Variants in SGCZ observed in about 807,000 individuals in gnomAD.
The protein encoded by SGCZ is zeta-sarcoglycan.
A neutral mutation model predicts 41.3 loss-of-function variants in SGCZ; 40 were observed. The observed-to-expected ratio is 0.97, with a 90% CI of 0.75 to 1.26. SGCZ has a LOEUF of 1.26. Ranked by LOEUF, SGCZ falls within the 50% of genes most tolerant of loss-of-function variation. The probability of loss-of-function intolerance (pLI) is 0.00; values close to 1 mark genes in which losing one functional copy is unlikely to be tolerated. For synonymous variants in SGCZ, 206 were observed against 137.5 expected, an observed-to-expected ratio of 1.50 and a Z score of -3.49; for missense variants, 552 against 369.8, an observed-to-expected ratio of 1.49 and a Z score of -4.04.
intron 1 of SGCZ, among the ~76,000 whole-genome samples, chr8:15,074,331 T>TTAC (rs916125742): frequency 4.6e-5 from 7 of 152,188 alleles, no homozygotes; most frequent in African/African-American, 1.7e-4. Context: ...GTCTCTCAAA[T>TTAC]TACTGGCTGT....
chr8:14,574,368 CT>C (rs1461849557), intron 1 of SGCZ, among the ~76,000 whole-genome samples: 2 of 152,096 alleles, frequency 1.3e-5, no homozygotes, highest in Admixed American at 1.3e-4. Flanking sequence ...ACCAGAATCA[CT>C]TTCCCTAAAG....
intron 1 of SGCZ, among the ~76,000 whole-genome samples, chr8:14,913,972 T>C (rs540731241): frequency 2.2e-4 from 34 of 151,828 alleles, no homozygotes; most frequent in African/African-American, 8.0e-4. Flanking sequence ...ATCAAGTTTG[T>C]AGCATAATAA....
At chr8:14,762,615 T>A (rs1402206168) in intron 1 of SGCZ, among the ~76,000 whole-genome samples, 2 of 152,180 alleles carry the variant, frequency 1.3e-5, no homozygotes, top group East Asian at 1.9e-4. Context: ...CTTGGTCTCA[T>A]CATAAATTCA....
At chr8:15,163,133 C>T (rs1799563026) in intron 1 of SGCZ, among the ~76,000 whole-genome samples, 1 of 152,208 alleles carries the variant, frequency 6.6e-6, no homozygotes, top group South Asian at 2.1e-4. Flanking sequence ...CTGTACGTAA[C>T]AGTTCTTGCT....
chr8:14,433,863 CTGTT>C (rs1800013126), intron 2 of SGCZ, among the ~76,000 whole-genome samples: 1 of 152,152 alleles, frequency 6.6e-6, no homozygotes, highest in South Asian at 2.1e-4. Context: ...CAGGCAACAA[CTGTT>C]TGAGAATGAT....
chr8:14,403,997 C>T (rs1206921999), intron 2 of SGCZ, among the ~76,000 whole-genome samples: 1 of 151,598 alleles, frequency 6.6e-6, no homozygotes, highest in Non-Finnish European at 1.5e-5. Flanking sequence ...TGTATAAAGC[C>T]CAGAGAAACA....
intron 3 of SGCZ, among the ~76,000 whole-genome samples, chr8:14,315,453 A>C (rs915447547): frequency 1.3e-5 from 2 of 152,148 alleles, no homozygotes; most frequent in African/African-American, 4.8e-5. Context: ...AAGATTATGA[A>C]GCAAATGGAA....
intron 1 of SGCZ, among the ~76,000 whole-genome samples, chr8:14,559,222 T>C (rs1445426279): frequency 6.6e-6 from 1 of 152,002 alleles, no homozygotes; most frequent in Non-Finnish European, 1.5e-5. Context: ...ATTGTATACC[T>C]AGAAAACCCT....
At chr8:14,147,845 A>T (rs1266131111) in intron 5 of SGCZ, among the ~76,000 whole-genome samples, 1 of 152,186 alleles carries the variant, frequency 6.6e-6, no homozygotes, top group East Asian at 1.9e-4. Flanking sequence ...AAAAATGGAA[A>T]TAATGTCAAG....
chr8:14,132,758 T>G (rs1803080493), intron 5 of SGCZ, among the ~76,000 whole-genome samples: 2 of 152,210 alleles, frequency 1.3e-5, no homozygotes, highest in African/African-American at 4.8e-5. Flanking sequence ...GACTTTCTGT[T>G]GCAAACTGGG....
At chr8:15,041,438 T>C (rs1017411661) in intron 1 of SGCZ, among the ~76,000 whole-genome samples, 1 of 152,070 alleles carries the variant, frequency 6.6e-6, no homozygotes, top group Non-Finnish European at 1.5e-5. Flanking sequence ...TAAAGATGAA[T>C]ATTATTTCAT....
At chr8:15,176,365 T>C (rs1800001358) in intron 1 of SGCZ, among the ~76,000 whole-genome samples, 1 of 152,196 alleles carries the variant, frequency 6.6e-6, no homozygotes, top group African/African-American at 2.4e-5. Context: ...TAGAAACAAT[T>C]TCTCATTCAA....
At chr8:14,903,958 A>T (rs1799047925) in intron 1 of SGCZ, among the ~76,000 whole-genome samples, 1 of 152,038 alleles carries the variant, frequency 6.6e-6, no homozygotes, top group Non-Finnish European at 1.5e-5. Context: ...TTTTCTCATG[A>T]TTAGTAATAT....
intron 1 of SGCZ, among the ~76,000 whole-genome samples, chr8:14,991,540 T>C: frequency 1.3e-5 from 2 of 152,150 alleles, no homozygotes; most frequent in East Asian, 3.9e-4. Context: ...GGCCACGTGA[T>C]GCTTTCCTTG....
At chr8:14,683,340 G>A (rs918362795) in intron 1 of SGCZ, among the ~76,000 whole-genome samples, 1 of 151,900 alleles carries the variant, frequency 6.6e-6, no homozygotes, top group African/African-American at 2.4e-5. Flanking sequence ...AATAACACTT[G>A]TATAAATTTA....
intron 2 of SGCZ, among the ~76,000 whole-genome samples, chr8:14,468,745 C>A (rs1801125424): frequency 6.6e-6 from 1 of 152,062 alleles, no homozygotes; most frequent in Admixed American, 6.6e-5. Flanking sequence ...TTCTCCTAGA[C>A]TTTCAATTCA....
At chr8:14,237,314 G>A (rs1376396424) in intron 4 of SGCZ, among the ~76,000 whole-genome samples, 4 of 152,004 alleles carry the variant, frequency 2.6e-5, no homozygotes, top group African/African-American at 9.7e-5. Context: ...AAGAAAATTG[G>A]GCTGTAATGG....
rs183790932 is a variant in SGCZ, at chr8:14,498,125, T to C, written c.234+56607A>G. On this transcript the variant is annotated intron_variant, in intron 2 of 7. Coordinates refer to ENST00000382080, the MANE Select transcript of SGCZ (RefSeq NM_139167.4). ...TTTCTAGTGAGTTTACTATACTCTT[T>C]GTTGATTTGAATGTCAATAATAATC... 3.2e-3 allele frequency among the ~76,000 whole-genome samples: 492 copies of C among 152,312 alleles called. 1 individual carries two copies. Among genetic ancestry groups the C allele is most frequent in the Non-Finnish European group, 5.1e-3 (345 of 68,018 alleles).
At chr8:14,134,527 G>C (rs1364449595) in intron 5 of SGCZ, among the ~76,000 whole-genome samples, 1 of 152,156 alleles carries the variant, frequency 6.6e-6, no homozygotes, top group Non-Finnish European at 1.5e-5. Context: ...AATTGGCATA[G>C]AAAGTAATAG....
Sources: allele counts gnomAD v4.1 joint callset (sites outside exome capture counted in the v4.1 genomes callset), GRCh38; gene constraint gnomAD v4.1.1; transcripts MANE v1.5; gene names NCBI Gene and HGNC (gene_info 2026-07-23, HGNC 2026-07-21).